The following AGAP3 variants were observed in gnomAD, a reference collection of about 807,000 sequenced individuals.
AGAP3 encodes arf-GAP with GTPase, ANK repeat and PH domain-containing protein 3.
Under a neutral mutation model 96.9 loss-of-function variants are expected in AGAP3, and 24 were observed. The ratio of observed to expected loss-of-function variants is 0.25; its 90% CI spans 0.18 to 0.35. The LOEUF (loss-of-function observed/expected upper bound fraction) is 0.35, where lower values mean the gene tolerates loss of function less well. AGAP3 is among the 10% of genes least tolerant of loss of function. The pLI is 1.00. For synonymous variants in AGAP3, 563 were observed against 536.1 expected, an observed-to-expected ratio of 1.05 and a Z score of -0.69; for missense variants, 876 against 1,254.2, an observed-to-expected ratio of 0.70 and a Z score of 4.55.
chr7:151,107,279 C>T (rs1219305619), intron 1 of AGAP3, among the ~76,000 whole-genome samples: 1 of 148,854 alleles, frequency 6.7e-6, no homozygotes, highest in African/African-American at 2.5e-5. Flanking sequence ...CATTGCACTC[C>T]AGCCTGGGCG....
intron 1 of AGAP3, among the ~76,000 whole-genome samples, chr7:151,093,419 G>A (rs1798476065): frequency 6.6e-6 from 1 of 152,150 alleles, no homozygotes; most frequent in South Asian, 2.1e-4. Flanking sequence ...GGGATTACAG[G>A]CATGAGCCAC....
At chr7:151,131,673 TAG>T (rs1416187612) in intron 10 of AGAP3, among the ~76,000 whole-genome samples, 1 of 152,168 alleles carries the variant, frequency 6.6e-6, no homozygotes, top group Non-Finnish European at 1.5e-5. Flanking sequence ...CCTGGGAATG[TAG>T]AGTGTCTGGC....
intron 9 of AGAP3, among the ~76,000 whole-genome samples, chr7:151,126,596 T>A (rs1407185610): frequency 6.6e-6 from 1 of 151,988 alleles, no homozygotes; most frequent in Non-Finnish European, 1.5e-5. Flanking sequence ...CTCCAAGGCA[T>A]CTCCAGAGCC....
chr7:151,143,409 C>T lies in AGAP3; in HGVS notation c.2342C>T (p.Ser781Leu). The change falls in exon 17 of 18, where the codon TCA (serine) becomes TTA (leucine). Residue 781 changes from serine to leucine, a missense_variant. By Grantham distance (145) the Ser-to-Leu change is moderately radical. This residue lies in a region of AGAP3 where 213 missense variants were observed against 253.8 expected (regional missense o/e 0.84). Coordinates refer to ENST00000397238, the MANE Select transcript of AGAP3 (RefSeq NM_031946.7). The surrounding 1 kb of genome is among the most constrained non-coding windows in gnomAD (Gnocchi z 5.9). ...QKLFLAPLPS[S>L]DVPLGQQLLR... is the part of the protein sequence containing the mutation. Reference sequence around the variant, plus strand: ...CTCTTCCTGGCCCCACTGCCAAGCTCAGATGTGCCACTGGGGCAGCAGCTG... The same window carrying T: ...CTCTTCCTGGCCCCACTGCCAAGCTTAGATGTGCCACTGGGGCAGCAGCTG... 1.2e-6 allele frequency: 2 copies of T among 1,614,228 alleles called. No individual in the cohort carries two copies.
chr7:151,111,188 C>A (rs1298973351), intron 1 of AGAP3, among the ~76,000 whole-genome samples: 1 of 152,190 alleles, frequency 6.6e-6, no homozygotes, highest in Non-Finnish European at 1.5e-5. Flanking sequence ...TGCCAGCCTT[C>A]CCAGCCACTG....
rs554799405 is a variant in AGAP3, at chr7:151,142,874, C to T, written c.2273+240C>T. Among the ~76,000 whole-genome samples, 1 of 152,224 alleles carries T rather than the reference C, an allele frequency of 6.6e-6. No homozygotes were observed. Among genetic ancestry groups the T allele is most frequent in the Admixed American group, 6.5e-5 (1 of 15,288 alleles). On this transcript the variant is annotated intron_variant, in intron 16 of 17. Coordinates refer to ENST00000397238, the MANE Select transcript of AGAP3 (RefSeq NM_031946.7). The surrounding 1 kb of genome is among the most constrained non-coding windows in gnomAD (Gnocchi z 7.5). ...GTCAGGGGCCAGCAGGAGGCGCATGCGCAGGGCCCCTATCACGGTGTGGTG... is the reference window on the plus strand; with the variant it reads ...GTCAGGGGCCAGCAGGAGGCGCATGTGCAGGGCCCCTATCACGGTGTGGTG...
In AGAP3 at chr7:151,138,316, G is replaced by A; in HGVS notation, c.1666+3G>A. On this transcript the variant is annotated splice_donor_region_variant and intron_variant, in intron 12 of 17. Coordinates refer to ENST00000397238, the MANE Select transcript of AGAP3 (RefSeq NM_031946.7). The stretch of plus-strand genomic sequence containing the variant: ...GCCCCCAGGCATGCAGCACCCTGGT[G>A]AGTGGTGGCTCTGCTGCTTCCCACC... 8.7e-6 allele frequency: 14 copies of A among 1,607,714 alleles called. No homozygotes were observed. The highest frequency in any genetic ancestry group is 1.2e-5 in the Non-Finnish European group (14 of 1,176,744).
chr7:151,120,532 C>T (rs1433771899), intron 8 of AGAP3: 3 of 902,556 alleles, frequency 3.3e-6, no homozygotes, highest in East Asian at 5.4e-5. Flanking sequence ...AATGAACCGG[C>T]GGCCGGAAGG....
At chr7:151,105,782 C>G (rs1372743663) in intron 1 of AGAP3, among the ~76,000 whole-genome samples, 2 of 46,790 alleles carry the variant, frequency 4.3e-5, no homozygotes, top group Non-Finnish European at 7.5e-5. Context: ...TTCCGCCCCC[C>G]CCCCCGACAC....
At chr7:151,090,873 G>A (rs1798367807) in intron 1 of AGAP3, among the ~76,000 whole-genome samples, 1 of 152,170 alleles carries the variant, frequency 6.6e-6, no homozygotes, top group Admixed American at 6.5e-5. Context: ...GAATCTGGGA[G>A]GCAGAGCTTG....
At chr7:151,103,724 G>A (rs1032369620) in intron 1 of AGAP3, among the ~76,000 whole-genome samples, 1 of 152,132 alleles carries the variant, frequency 6.6e-6, no homozygotes, top group African/African-American at 2.4e-5. Flanking sequence ...CTTCCCCAGC[G>A]ATGCCTGAAA....
At chr7:151,138,021 A>T in intron 11 of AGAP3, 122 bp from the exon 12 acceptor site, 1 of 802,784 alleles carries the variant, frequency 1.2e-6, no homozygotes, top group Non-Finnish European at 2.0e-6. Flanking sequence ...CCGCCACCTG[A>T]TGAACCCAGT....
chr7:151,138,959 C>T (rs193234215), intron 12 of AGAP3, among the ~76,000 whole-genome samples: 6 of 152,302 alleles, frequency 3.9e-5, no homozygotes, highest in South Asian at 2.1e-4. Flanking sequence ...AGGGCTCTTC[C>T]GTTTGCCCCT....
chr7:151,088,264 G>A (rs1429638717), intron 1 of AGAP3, among the ~76,000 whole-genome samples: 1 of 152,172 alleles, frequency 6.6e-6, no homozygotes, highest in Non-Finnish European at 1.5e-5. Context: ...TGTGGTGCTG[G>A]GTTCTATCTT....
In AGAP3 at chr7:151,133,117, G is replaced by T. The variant is rs113722668; in HGVS notation, c.1327-1283G>T. On this transcript the variant is annotated intron_variant, in intron 10 of 17. Transcript: ENST00000397238. This position sits in a 1 kb window ranked among gnomAD's most constrained non-coding sequence, Gnocchi z 5.4. The stretch of plus-strand genomic sequence containing the variant: ...TGCTCACAGAGGGGAAAGGAGGAGC[G>T]GCTTTATGTCCAATCAATGTAATTC... Among the ~76,000 whole-genome samples the T allele has an allele frequency of 2.6e-5, 4 of 152,148 alleles. No homozygotes were observed. Among genetic ancestry groups the T allele is most frequent in the South Asian group, 2.1e-4 (1 of 4,836 alleles).
intron 1 of AGAP3, among the ~76,000 whole-genome samples, chr7:151,089,494 C>G (rs751553931): frequency 4.6e-5 from 7 of 152,130 alleles, no homozygotes; most frequent in Non-Finnish European, 1.0e-4. Flanking sequence ...CAAAGCCTCC[C>G]TCACTCTGTT....
rs182096782 is a variant in AGAP3, at chr7:151,110,992, C to T, written c.332-5801C>T. Among the ~76,000 whole-genome samples the T allele has an allele frequency of 4.6e-5, 7 of 152,294 alleles. No individual in the cohort carries two copies. In the East Asian group the frequency reaches 1.4e-3, roughly 29 times the overall value. ...CAGCTGCTGGGACACTTAGGGAGGACTGTGGCCCCACTGGGGAGGCATCCT... is the reference window on the plus strand; with the variant it reads ...CAGCTGCTGGGACACTTAGGGAGGATTGTGGCCCCACTGGGGAGGCATCCT... On this transcript the variant is annotated intron_variant, in intron 1 of 17. Transcript: ENST00000397238.
rs866006444 is a variant in AGAP3, at chr7:151,138,214, C to A, written c.1567C>A (p.Pro523Thr). 5.0e-6 allele frequency: 8 copies of A among 1,611,874 alleles called. No homozygotes were observed. The highest frequency in any genetic ancestry group is 6.8e-6 in the Non-Finnish European group (8 of 1,179,470). Residue 523 changes from proline to threonine, a missense_variant, in exon 12 of 18, where the codon CCG (proline) becomes ACG (threonine). By Grantham distance (38) the Pro-to-Thr change is conservative. This residue lies in a region of AGAP3 where 155 missense variants were observed against 144.4 expected (regional missense o/e 1.07). Transcript: ENST00000397238. Reference sequence around the variant, plus strand: ...CCTCAGCAGCTCGGCCTGGGCTGGCCCGCGCCCTGAGGGGCTGCACCAGCG... The same window carrying A: ...CCTCAGCAGCTCGGCCTGGGCTGGCACGCGCCCTGAGGGGCTGCACCAGCG... ...RPLSSSAWAG[P>T]RPEGLHQRSC...
Position 151,118,389 on chromosome 7 carries a change from G to T in AGAP3, c.841+45G>T, listed in dbSNP as rs770449667. ...GGAGTCACTGGCAGCCGCGGCCCCA[G>T]TGCTGGCGATAGGAAGGCTCCCAGT... On this transcript the variant is annotated intron_variant, in intron 6 of 17. Transcript: ENST00000397238. This position sits in a 1 kb window ranked among gnomAD's most constrained non-coding sequence, Gnocchi z 6.1. 3 of 1,596,720 alleles carry T rather than the reference G, an allele frequency of 1.9e-6. No individual in the cohort carries two copies. In the South Asian group the frequency reaches 3.3e-5, roughly 18 times the overall value.
Sources: gnomAD v4.1 joint callset for allele counts (sites outside exome capture counted in the v4.1 genomes callset) on GRCh38, gnomAD v4.1.1 for gene constraint, gnomAD v4.1.1 regional missense constraint, Gnocchi (gnomAD v3.1) non-coding constraint, MANE v1.5 for transcripts, NCBI Gene and HGNC (gene_info 2026-07-23, HGNC 2026-07-21) for gene names.